The following GLIS1 variants were observed in gnomAD, a reference collection of about 807,000 sequenced individuals.
GLIS1 encodes the protein zinc finger protein GLIS1.
GLIS1 carries 24 observed loss-of-function variants against 63.8 expected under a neutral mutation model. That is an observed-to-expected ratio of 0.38 (90% confidence interval 0.27 to 0.53). The LOEUF is 0.53. Among genes scored for constraint, GLIS1 ranks in the 20% least tolerant of loss-of-function variants. GLIS1 has a pLI of 0.85. For synonymous variants in GLIS1, 450 were observed against 482.5 expected (o/e 0.93, Z 0.88); for missense variants, 1,036 against 1,074.1 (o/e 0.96, Z 0.50).
chr1:53,691,926 A>G (rs1373369835), intron 2 of GLIS1, among the ~76,000 whole-genome samples: 1 of 152,186 alleles, frequency 6.6e-6, no homozygotes, highest in African/African-American at 2.4e-5. Context: ...CCATTACTCT[A>G]GTCCCACCAT....
chr1:53,563,318 C>G (rs1379618790), intron 4 of GLIS1, among the ~76,000 whole-genome samples: 1 of 152,204 alleles, frequency 6.6e-6, no homozygotes, highest in Non-Finnish European at 1.5e-5. Flanking sequence ...TATATACTAA[C>G]AGGGGTGAAA....
chr1:53,596,912 A>G (rs1301614902), intron 3 of GLIS1, among the ~76,000 whole-genome samples: 2 of 152,092 alleles, frequency 1.3e-5, no homozygotes, highest in African/African-American at 4.8e-5. Flanking sequence ...ATTTCACTCA[A>G]CATGCTTTTC....
Position 53,509,919 on chromosome 1 carries a change from G to T in GLIS1, c.1992C>A (p.Pro664=). ...GGTAGGACGGCTTGCTGGGGAGTGTGGGGAAGGGCTGGCCCCCCGGAGAAT... is the reference window on the plus strand; with the variant it reads ...GGTAGGACGGCTTGCTGGGGAGTGTTGGGAAGGGCTGGCCCCCCGGAGAAT... ...QSHSPGGQPF[P]TLPSKPSYPP... The change falls in exon 9 of 11, where the codon CCC becomes CCA. Residue 664 remains proline (P), a synonymous_variant. Transcript: ENST00000628545. 7.7e-7 allele frequency: 1 copy of T among 1,306,994 alleles called. No individual in the cohort carries two copies. 81.0% of individuals were successfully genotyped at this position (1,306,994 alleles called of 1,614,324 possible). A position where few individuals can be genotyped will look rare whatever the true frequency, so the allele number is the denominator to read the frequency against.
At chr1:53,642,527 G>T in intron 2 of GLIS1, among the ~76,000 whole-genome samples, 1 of 152,182 alleles carries the variant, frequency 6.6e-6, no homozygotes. Flanking sequence ...CAGAAGGTTT[G>T]TTCTGTTGGT....
chr1:53,524,438 T>G (rs570604102), intron 6 of GLIS1, among the ~76,000 whole-genome samples: 8 of 152,344 alleles, frequency 5.3e-5, no homozygotes, highest in Admixed American at 3.9e-4. Flanking sequence ...GGACGTGCTT[T>G]TTCATTTCTG....
intron 5 of GLIS1, among the ~76,000 whole-genome samples, chr1:53,528,079 G>C (rs1644489400): frequency 6.6e-6 from 1 of 152,150 alleles, no homozygotes; most frequent in Non-Finnish European, 1.5e-5. Context: ...GTGGCCTCTG[G>C]GAGACATAAC....
intron 2 of GLIS1, among the ~76,000 whole-genome samples, chr1:53,663,240 A>T (rs567322917): frequency 3.9e-5 from 6 of 152,228 alleles, no homozygotes; most frequent in Admixed American, 3.9e-4. Flanking sequence ...CAGGGCTTGG[A>T]TCTTCTTGTT....
intron 2 of GLIS1, among the ~76,000 whole-genome samples, chr1:53,678,037 A>C: frequency 6.6e-6 from 1 of 152,240 alleles, no homozygotes; most frequent in East Asian, 1.9e-4. Flanking sequence ...CAAACGTGGG[A>C]TTCCTCCACA....
At chr1:53,692,723 A>G (rs2100464896) in intron 2 of GLIS1, among the ~76,000 whole-genome samples, 1 of 152,336 alleles carries the variant, frequency 6.6e-6, no homozygotes, top group South Asian at 2.1e-4. Context: ...CTTGGCTAGA[A>G]GTTGGCTGTG....
intron 2 of GLIS1, among the ~76,000 whole-genome samples, chr1:53,665,053 G>T (rs189322054): frequency 6.6e-6 from 1 of 152,248 alleles, no homozygotes; most frequent in East Asian, 1.9e-4. Flanking sequence ...TTGTGAGATC[G>T]CAGCCACTGG....
intron 4 of GLIS1, among the ~76,000 whole-genome samples, chr1:53,550,371 A>G (rs1644745648): frequency 6.6e-6 from 1 of 152,124 alleles, no homozygotes; most frequent in Non-Finnish European, 1.5e-5. Context: ...GGCTGCTGGG[A>G]ACAGAGGCCT....
intron 4 of GLIS1, among the ~76,000 whole-genome samples, chr1:53,530,399 T>C (rs1464205776): frequency 6.6e-6 from 1 of 152,200 alleles, no homozygotes; most frequent in Non-Finnish European, 1.5e-5. Flanking sequence ...TTGACCCCTC[T>C]GCGCCTTGTT....
chr1:53,508,683 G>A (rs1644262946), intron 10 of GLIS1, among the ~76,000 whole-genome samples: 1 of 152,178 alleles, frequency 6.6e-6, no homozygotes, highest in Admixed American at 6.5e-5. Flanking sequence ...CCTAAGTGGG[G>A]AAGGAACAGC....
At chr1:53,720,001 C>G (rs1254198706) in intron 2 of GLIS1, among the ~76,000 whole-genome samples, 1 of 152,080 alleles carries the variant, frequency 6.6e-6, no homozygotes, top group Non-Finnish European at 1.5e-5. Context: ...CATGGTGAAA[C>G]CCCGTCTCTA....
chr1:53,661,700 C>A (rs1344646230), intron 2 of GLIS1, among the ~76,000 whole-genome samples: 3 of 152,176 alleles, frequency 2.0e-5, no homozygotes, highest in Non-Finnish European at 2.9e-5. Flanking sequence ...CTCCTCCCCA[C>A]GGCTCCCTGT....
intron 2 of GLIS1, among the ~76,000 whole-genome samples, chr1:53,669,791 T>C (rs1279717184): frequency 3.9e-5 from 6 of 152,220 alleles, no homozygotes; most frequent in Non-Finnish European, 7.3e-5. Context: ...CCCTTTGCTG[T>C]GTCCCCGGCA....
chr1:53,585,451 T>C (rs2100506425), intron 4 of GLIS1, among the ~76,000 whole-genome samples: 1 of 151,252 alleles, frequency 6.6e-6, no homozygotes, highest in East Asian at 1.9e-4. Flanking sequence ...TGTTTAGCCA[T>C]TGGTCCACCC....
intron 8 of GLIS1, among the ~76,000 whole-genome samples, chr1:53,513,871 A>G (rs775636919): frequency 1.3e-5 from 2 of 152,246 alleles, no homozygotes; most frequent in Non-Finnish European, 1.5e-5. Context: ...CCAAGGCTGT[A>G]GCCAGGAGGA....
chr1:53,629,779 T>C (rs1210919568), intron 2 of GLIS1, among the ~76,000 whole-genome samples: 1 of 152,188 alleles, frequency 6.6e-6, no homozygotes, highest in Non-Finnish European at 1.5e-5. Context: ...TTATATTTGC[T>C]CATTATCTGT....
Sources: gnomAD v4.1 joint callset for allele counts (sites outside exome capture counted in the v4.1 genomes callset) on GRCh38, gnomAD v4.1.1 for gene constraint, MANE v1.5 for transcripts, NCBI Gene and HGNC (gene_info 2026-07-23, HGNC 2026-07-21) for gene names.